Variants in WSCD2 observed in about 807,000 individuals in gnomAD.
The protein encoded by WSCD2 is WSC domain sialate O sulfotransferase 2.
A neutral mutation model predicts 55.7 loss-of-function variants in WSCD2; 28 were observed. The ratio of observed to expected loss-of-function variants is 0.50; its 90% CI spans 0.37 to 0.69. The LOEUF is 0.69. WSCD2 is among the 30% of genes least tolerant of loss of function. The pLI is 0.00. For synonymous variants in WSCD2, 301 were observed against 301.9 expected (o/e 1.00, Z 0.03); for missense variants, 616 against 762.1 (o/e 0.81, Z 2.26).
chr12:108,141,455 G>A (rs1286337580), intron 1 of WSCD2, among the ~76,000 whole-genome samples: 2 of 152,112 alleles, frequency 1.3e-5, no homozygotes, highest in African/African-American at 4.8e-5. Flanking sequence ...GTCTAAAATG[G>A]GTCAGCAGGG....
intron 1 of WSCD2, among the ~76,000 whole-genome samples, chr12:108,138,490 G>A (rs1000157544): frequency 2.0e-5 from 3 of 152,246 alleles, no homozygotes; most frequent in African/African-American, 4.8e-5. Context: ...CCATGTCCTC[G>A]TCTGTAAAAT....
intron 1 of WSCD2, among the ~76,000 whole-genome samples, chr12:108,147,119 A>G (rs575884290): frequency 6.6e-6 from 1 of 152,298 alleles, no homozygotes; most frequent in South Asian, 2.1e-4. Context: ...GATCCCAGGC[A>G]AACCTGGATG....
chr12:108,206,371 C>G lies in WSCD2; in HGVS notation c.465C>G (p.Thr155=). 1 of 1,614,198 alleles carries G rather than the reference C, an allele frequency of 6.2e-7. No individual in the cohort carries two copies. The highest frequency in any genetic ancestry group is 8.5e-7 in the Non-Finnish European group (1 of 1,180,032). ...GVSFFDYKKM[T]IFRCQDNCAE... is the part of the protein sequence containing the mutation. ...CCTTTTTTGACTACAAAAAGATGAC[C>G]ATCTTCCGTTGCCAGGACAACTGTG... Residue 155 remains threonine, a synonymous_variant, in exon 3 of 9, where the codon ACC becomes ACG. Coordinates refer to ENST00000547525, the MANE Select transcript of WSCD2 (RefSeq NM_014653.4).
chr12:108,150,748 G>A (rs1185299653), intron 1 of WSCD2, among the ~76,000 whole-genome samples: 35 of 152,098 alleles, frequency 2.3e-4, no homozygotes, highest in Admixed American at 2.1e-3. Flanking sequence ...GCCCGGATAC[G>A]ACTGCCCCCG....
chr12:108,153,986 A>C (rs1056838781), intron 1 of WSCD2, among the ~76,000 whole-genome samples: 5 of 152,084 alleles, frequency 3.3e-5, no homozygotes, highest in Non-Finnish European at 7.3e-5. Flanking sequence ...GGTTTTTCTT[A>C]GTCTAGATGA....
chr12:108,209,600 G>A (rs1565967386), intron 3 of WSCD2, among the ~76,000 whole-genome samples: 1 of 151,990 alleles, frequency 6.6e-6, no homozygotes, highest in Non-Finnish European at 1.5e-5. Context: ...TGGTCCCTGG[G>A]TGTTCCTGTC....
chr12:108,192,933 C>CT (rs112472070), intron 1 of WSCD2, among the ~76,000 whole-genome samples: 143 of 146,586 alleles, frequency 9.8e-4, no homozygotes, highest in Middle Eastern at 3.5e-3. Flanking sequence ...TGTGCAAGGG[C>CT]TTTTTTTTTT....
rs1225617418 is a variant in WSCD2 at position 108,206,413 on chromosome 12, C to G, written c.497+10C>G. 6.2e-7 allele frequency: 1 copy of G among 1,613,006 alleles called. No homozygotes were observed. On this transcript the variant is annotated intron_variant, in intron 3 of 8. Transcript: ENST00000547525. ...ACAACTGTGCTGAACGGTAGGGTCC[C>G]AGCATCCCAGACTTGTCCATTTCAG... is the stretch of plus-strand genomic sequence containing the variant.
chr12:108,205,638 T>C lies in WSCD2; in HGVS notation c.383-651T>C, dbSNP rs141710191. On this transcript the variant is annotated intron_variant, in intron 2 of 8. Coordinates refer to ENST00000547525, the MANE Select transcript of WSCD2 (RefSeq NM_014653.4). ...AACTGTAAAGTACTTTACACAGCAC[T>C]GTGAATGGCCAGTTTCTTATTCTAC... Among the ~76,000 whole-genome samples the C allele has an allele frequency of 3.8e-3, 578 of 152,336 alleles. 2 individuals are homozygous for C. Among genetic ancestry groups the C allele is most frequent in the South Asian group, 0.02 (95 of 4,822 alleles).
chr12:108,209,252 C>T (rs868276832), intron 3 of WSCD2, among the ~76,000 whole-genome samples: 6 of 152,238 alleles, frequency 3.9e-5, no homozygotes, highest in Middle Eastern at 3.4e-3. Context: ...AATGTGTGAG[C>T]TCATTTTTGT....
At chr12:108,238,415 CCT>C (rs1194460262) in intron 7 of WSCD2, among the ~76,000 whole-genome samples, 2 of 152,208 alleles carry the variant, frequency 1.3e-5, no homozygotes, top group South Asian at 4.1e-4. Flanking sequence ...TCTATGGACC[CCT>C]GTCTCCAGGA....
At chr12:108,206,464 G>A in intron 3 of WSCD2, 61 bp downstream of exon 3, 5 of 1,528,204 alleles carry the variant, frequency 3.3e-6, no homozygotes, top group Non-Finnish European at 2.7e-6. Flanking sequence ...ATTCCCACCT[G>A]TGGTATTCTT....
chr12:108,150,891 G>T (rs1877927413), intron 1 of WSCD2, among the ~76,000 whole-genome samples: 1 of 152,100 alleles, frequency 6.6e-6, no homozygotes, highest in Admixed American at 6.5e-5. Context: ...TCAGGAGCCA[G>T]CCTCCTGGTG....
At chr12:108,161,579 C>A (rs1035508726) in intron 1 of WSCD2, among the ~76,000 whole-genome samples, 1 of 152,200 alleles carries the variant, frequency 6.6e-6, no homozygotes, top group Admixed American at 6.5e-5. Flanking sequence ...CCAGAGGGAA[C>A]CAATCCTGCT....
chr12:108,164,190 T>C (rs1053339765), intron 1 of WSCD2, among the ~76,000 whole-genome samples: 4 of 139,786 alleles, frequency 2.9e-5, no homozygotes, highest in African/African-American at 1.1e-4. Flanking sequence ...GAAAACGTCC[T>C]ACAATGGTAT....
intron 1 of WSCD2, among the ~76,000 whole-genome samples, chr12:108,146,535 C>G (rs559938173): frequency 1.3e-5 from 2 of 152,258 alleles, no homozygotes; most frequent in Non-Finnish European, 2.9e-5. Context: ...AAAACTAAAA[C>G]CTGGGGAGAA....
At chr12:108,188,377 G>T (rs900181866) in intron 1 of WSCD2, among the ~76,000 whole-genome samples, 1 of 152,112 alleles carries the variant, frequency 6.6e-6, no homozygotes, top group African/African-American at 2.4e-5. Context: ...AGATTCTGCA[G>T]AATTGTTGCA....
chr12:108,202,086 G>A (rs1051829102), intron 2 of WSCD2, among the ~76,000 whole-genome samples: 2 of 152,198 alleles, frequency 1.3e-5, no homozygotes, highest in Non-Finnish European at 2.9e-5. Context: ...GGATTTGAAG[G>A]TGGAGCCCTG....
rs115908140 is a variant in WSCD2 at position 108,161,481 on chromosome 12, G to A, written c.-552+31555G>A. On this transcript the variant is annotated intron_variant, in intron 1 of 8. Transcript: ENST00000547525. Reference sequence around the variant, plus strand: ...GAACAGGAAGGCAGAGATCAGGGTCGTATTTCTATGAGCCAAGAAATGCCA... The same window carrying A: ...GAACAGGAAGGCAGAGATCAGGGTCATATTTCTATGAGCCAAGAAATGCCA... Among the ~76,000 whole-genome samples the A allele has an allele frequency of 5.6e-3, 845 of 152,250 alleles. 6 individuals carry two copies. Among genetic ancestry groups the A allele is most frequent in the African/African-American group, 0.02 (813 of 41,536 alleles).
Sources: allele counts gnomAD v4.1 joint callset (sites outside exome capture counted in the v4.1 genomes callset), GRCh38; gene constraint gnomAD v4.1.1; transcripts MANE v1.5; gene names NCBI Gene and HGNC (gene_info 2026-07-23, HGNC 2026-07-21).